Variants in GRIK4 observed in about 807,000 individuals in gnomAD.
GRIK4 encodes glutamate ionotropic receptor kainate type subunit 4.
Under a neutral mutation model 104.9 loss-of-function variants are expected in GRIK4, and 40 were observed. The observed-to-expected ratio is 0.38, with a 90% CI of 0.30 to 0.50. The LOEUF (loss-of-function observed/expected upper bound fraction) is 0.50, where lower values mean the gene tolerates loss of function less well. Ranked by LOEUF, GRIK4 falls within the 20% of genes least tolerant of loss-of-function variation. The pLI is 0.93. For synonymous variants in GRIK4, 485 were observed against 524.9 expected, an observed-to-expected ratio of 0.92 and a Z score of 1.04; for missense variants, 1,047 against 1,308.1, an observed-to-expected ratio of 0.80 and a Z score of 3.08.
chr11:120,862,784 A>G (rs1295159813), intron 9 of GRIK4, among the ~76,000 whole-genome samples: 2 of 152,138 alleles, frequency 1.3e-5, no homozygotes, highest in African/African-American at 4.8e-5. Flanking sequence ...CAGGCCAAGA[A>G]TATCTGCTTG....
intron 11 of GRIK4, among the ~76,000 whole-genome samples, chr11:120,893,491 T>C (rs923788223): frequency 2.6e-5 from 4 of 152,226 alleles, no homozygotes; most frequent in African/African-American, 9.6e-5. Context: ...TTTTTTCTAC[T>C]CACCAGCTCT....
At chr11:120,920,305 C>A (rs924177107) in intron 13 of GRIK4, among the ~76,000 whole-genome samples, 16 of 152,304 alleles carry the variant, frequency 1.1e-4, no homozygotes, top group Admixed American at 3.3e-4. Context: ...TCCTCTCCTT[C>A]CCTCCCCACG....
In GRIK4 at chr11:120,986,406, G is replaced by A. The variant is rs1944755047; in HGVS notation, c.*146G>A. 9.0e-7 allele frequency: 1 copy of A among 1,116,992 alleles called. No individual in the cohort carries two copies. Among genetic ancestry groups the A allele is most frequent in the Non-Finnish European group, 1.2e-6 (1 of 837,688 alleles). The allele number at this position is 1,116,992 out of a possible 1,614,324, so 69.2% of individuals were successfully genotyped here. A position where few individuals can be genotyped will look rare whatever the true frequency, so the allele number is the denominator to read the frequency against. ...CCAGTCACTTTTCAAAAAGATCAAG[G>A]AGCCTGACGCCCCAGCCAGAGACCG... is the stretch of plus-strand genomic sequence containing the variant. On this transcript the variant is annotated 3_prime_UTR_variant, in exon 21 of 21. Transcript: ENST00000527524.
In GRIK4 at chr11:120,563,516, A is replaced by C. The variant is rs186962159; in HGVS notation, c.-159+51629A>C. On this transcript the variant is annotated intron_variant, in intron 1 of 20. Coordinates refer to ENST00000527524, the MANE Select transcript of GRIK4 (RefSeq NM_014619.5). ...GAACTTTTGAGAGCTGAAGACCAAA[A>C]GCGGGTTCAGCTTTTGAACTCGTTT... 3.9e-3 allele frequency among the ~76,000 whole-genome samples: 594 copies of C among 152,274 alleles called. 3 individuals are homozygous for C. The highest frequency in any genetic ancestry group is 0.024 in the Middle Eastern group (7 of 294).
At chr11:120,659,977 C>T (rs2135238940) in intron 2 of GRIK4, among the ~76,000 whole-genome samples, 1 of 152,312 alleles carries the variant, frequency 6.6e-6, no homozygotes, top group South Asian at 2.1e-4. Context: ...AGTGATCCAC[C>T]CACTTTGGCT....
chr11:120,633,809 G>A (rs987489128), intron 1 of GRIK4, among the ~76,000 whole-genome samples: 10 of 152,136 alleles, frequency 6.6e-5, no homozygotes, highest in African/African-American at 2.4e-4. Context: ...TAGGCAGAAG[G>A]GAAGTGTGGC....
chr11:120,557,576 T>C (rs1332389481), intron 1 of GRIK4, among the ~76,000 whole-genome samples: 1 of 152,208 alleles, frequency 6.6e-6, no homozygotes, highest in Non-Finnish European at 1.5e-5. Flanking sequence ...CTGAGCCCAT[T>C]CATCATGTTA....
chr11:120,619,033 G>T (rs1949150462), intron 1 of GRIK4, among the ~76,000 whole-genome samples: 1 of 152,158 alleles, frequency 6.6e-6, no homozygotes, highest in Non-Finnish European at 1.5e-5. Flanking sequence ...CTTGTATCTT[G>T]TGCCTGGAAA....
chr11:120,618,474 A>G (rs1158921730), intron 1 of GRIK4, among the ~76,000 whole-genome samples: 1 of 152,224 alleles, frequency 6.6e-6, no homozygotes. Context: ...AGGCTGTACA[A>G]ATTTGCATAA....
chr11:120,586,142 C>A (rs1467470218), intron 1 of GRIK4, among the ~76,000 whole-genome samples: 1 of 151,984 alleles, frequency 6.6e-6, no homozygotes, highest in Non-Finnish European at 1.5e-5. Flanking sequence ...AGCCATGGAG[C>A]TGTAGTTGTA....
chr11:120,687,909 C>T (rs796630640), intron 3 of GRIK4, among the ~76,000 whole-genome samples: 11 of 152,228 alleles, frequency 7.2e-5, no homozygotes, highest in African/African-American at 2.4e-4. Context: ...TAGAGACTTT[C>T]GGCTGAGATT....
chr11:120,677,643 G>A (rs1950121497), intron 3 of GRIK4, among the ~76,000 whole-genome samples: 1 of 152,214 alleles, frequency 6.6e-6, no homozygotes, highest in Non-Finnish European at 1.5e-5. Flanking sequence ...GAACTAGAGG[G>A]CGATACGAAA....
intron 8 of GRIK4, 54 bp downstream of exon 8, chr11:120,836,898 G>A (rs759930195): frequency 8.8e-7 from 1 of 1,141,084 alleles, no homozygotes; most frequent in Non-Finnish European, 1.3e-6. Context: ...CAGTGGTCAG[G>A]ATTGATGGAT....
intron 3 of GRIK4, among the ~76,000 whole-genome samples, chr11:120,742,217 G>A (rs1951345060): frequency 6.6e-6 from 1 of 151,998 alleles, no homozygotes; most frequent in Admixed American, 6.6e-5. Flanking sequence ...ATGTTGGTGT[G>A]TGCCTTTAGT....
intron 1 of GRIK4, among the ~76,000 whole-genome samples, chr11:120,647,259 A>C (rs1949556826): frequency 1.3e-5 from 2 of 152,170 alleles, no homozygotes; most frequent in African/African-American, 4.8e-5. Flanking sequence ...CTGATGTTCC[A>C]GTGGAATCAG....
At chr11:120,750,350 CTTTTTTTTTTTT>C (rs869135246) in intron 3 of GRIK4, among the ~76,000 whole-genome samples, 1 of 76,120 alleles carries the variant, frequency 1.3e-5, no homozygotes. Flanking sequence ...CTAGAAATCT[CTTTTTTTTTTTT>C]TTTTTTTTTT....
intron 3 of GRIK4, among the ~76,000 whole-genome samples, chr11:120,758,850 C>T (rs1951697190): frequency 6.6e-6 from 1 of 152,122 alleles, no homozygotes; most frequent in South Asian, 2.1e-4. Flanking sequence ...GAAACATAGT[C>T]TGGGAAATGC....
At chr11:120,837,482 C>T (rs1320874179) in intron 8 of GRIK4, among the ~76,000 whole-genome samples, 2 of 152,136 alleles carry the variant, frequency 1.3e-5, no homozygotes, top group African/African-American at 4.8e-5. Context: ...CAAATACCTG[C>T]CCCATTGTTG....
At chr11:120,962,752 A>T in intron 18 of GRIK4, 71 bp downstream of exon 18, 1 of 974,780 alleles carries the variant, frequency 1.0e-6, no homozygotes, top group Non-Finnish European at 1.6e-6. Context: ...AAACCACTGA[A>T]TACAGCATTG....
Sources: gnomAD v4.1 joint callset for allele counts (sites outside exome capture counted in the v4.1 genomes callset) on GRCh38, gnomAD v4.1.1 for gene constraint, MANE v1.5 for transcripts, NCBI Gene and HGNC (gene_info 2026-07-23, HGNC 2026-07-21) for gene names.